The following TEAD1 variants were observed in gnomAD, a reference collection of about 807,000 sequenced individuals.
TEAD1 encodes TEA domain transcription factor 1, also known as transcriptional enhancer factor TEF-1.
Under a neutral mutation model 54.9 loss-of-function variants are expected in TEAD1, and 9 were observed. The observed-to-expected ratio is 0.16, with a 90% CI of 0.10 to 0.29. The LOEUF (loss-of-function observed/expected upper bound fraction) is 0.29. TEAD1 is among the 10% of genes least tolerant of loss of function. The pLI, the probability that TEAD1 is intolerant of heterozygous loss-of-function variation, is 1.00. For missense variants in TEAD1, 387 were observed against 535.9 expected (o/e 0.72, Z 2.74); for synonymous variants, 200 against 187.8 (o/e 1.07, Z -0.53).
chr11:12,724,034 G>T (rs1944264764), intron 2 of TEAD1, among the ~76,000 whole-genome samples: 1 of 152,180 alleles, frequency 6.6e-6, no homozygotes, highest in African/African-American at 2.4e-5. Context: ...TGGGGTAAAT[G>T]ATTGAAACAC....
chr11:12,828,452 G>C (rs1287498203), intron 3 of TEAD1: 3 of 152,182 alleles, frequency 2.0e-5, no homozygotes, highest in Non-Finnish European at 2.9e-5. Context: ...AGTTAGAAGG[G>C]TGTGTTGAGG....
rs913917787 is a variant in TEAD1 at position 12,817,012 on chromosome 11, GCA to G, written c.203-45234_203-45233del. ...CCCTCAAAGCCGAGGCGAGGTTTAT[GCA>G]CACTGCCCAATTGAAATGTGTCTCA... is the stretch of plus-strand genomic sequence containing the variant. On this transcript the variant is annotated intron_variant, in intron 3 of 12. Coordinates refer to ENST00000527636, the MANE Select transcript of TEAD1 (RefSeq NM_021961.6). 3.3e-4 allele frequency among the ~76,000 whole-genome samples: 51 copies of G among 152,286 alleles called. 1 individual carries two copies. Among genetic ancestry groups the G allele is most frequent in the Admixed American group, 3.0e-3 (46 of 15,300 alleles).
At chr11:12,706,347 C>T (rs77263363) in intron 2 of TEAD1, among the ~76,000 whole-genome samples, 237 of 152,270 alleles carry the variant, frequency 1.6e-3, no homozygotes, top group Non-Finnish European at 2.3e-3. Context: ...TAGTTTAATT[C>T]AATGGATTCC....
chr11:12,729,394 T>G (rs1437262181), intron 2 of TEAD1, among the ~76,000 whole-genome samples: 2 of 152,228 alleles, frequency 1.3e-5, no homozygotes, highest in Non-Finnish European at 2.9e-5. Context: ...TCTGCATTTC[T>G]AAGAAAGTCC....
chr11:12,837,738 C>T (rs10765998), intron 3 of TEAD1, among the ~76,000 whole-genome samples: 144,615 of 147,966 alleles, frequency 0.98, 70,767 homozygotes, highest in Middle Eastern at 1. Flanking sequence ...TTCTCCTCCT[C>T]CTTCTTCTTC....
At chr11:12,835,454 C>A (rs1043590369) in intron 3 of TEAD1, among the ~76,000 whole-genome samples, 5 of 151,410 alleles carry the variant, frequency 3.3e-5, no homozygotes, top group Non-Finnish European at 5.9e-5. Flanking sequence ...GAATTATAGG[C>A]TCGTGCCAGC....
chr11:12,794,742 G>T (rs1590158751), intron 3 of TEAD1, among the ~76,000 whole-genome samples: 1 of 152,198 alleles, frequency 6.6e-6, no homozygotes, highest in Admixed American at 6.5e-5. Flanking sequence ...CACCCGAGTG[G>T]GTGTGCATGC....
intron 2 of TEAD1, among the ~76,000 whole-genome samples, chr11:12,689,951 T>C (rs989918303): frequency 1.3e-5 from 2 of 152,032 alleles, no homozygotes; most frequent in East Asian, 3.9e-4. Context: ...TAATAACTCC[T>C]TAATGTTGGC....
chr11:12,747,171 TTAAAA>T (rs1361748067), intron 2 of TEAD1, among the ~76,000 whole-genome samples: 6 of 152,168 alleles, frequency 3.9e-5, no homozygotes, highest in South Asian at 4.1e-4. Context: ...ACATTTTAAG[TTAAAA>T]TAAAGCAAAT....
chr11:12,850,998 C>T, intron 3 of TEAD1: 1 of 886,136 alleles, frequency 1.1e-6, no homozygotes, highest in African/African-American at 1.8e-5. Flanking sequence ...AAAGGATTTA[C>T]AGATTTCAGG....
At chr11:12,878,846 T>C (rs1275120166) in intron 5 of TEAD1, 1 of 1,255,254 alleles carries the variant, frequency 8.0e-7, no homozygotes. Context: ...AAAAATCCCT[T>C]TTTATGCAAT....
At chr11:12,744,300 A>G (rs1003621716) in intron 2 of TEAD1, among the ~76,000 whole-genome samples, 3 of 152,222 alleles carry the variant, frequency 2.0e-5, no homozygotes, top group Admixed American at 6.5e-5. Flanking sequence ...TAGGCTAGGA[A>G]TCTGTCCTTG....
At chr11:12,784,159 A>G (rs77189459) in intron 3 of TEAD1, among the ~76,000 whole-genome samples, 1 of 152,152 alleles carries the variant, frequency 6.6e-6, no homozygotes, top group African/African-American at 2.4e-5. Context: ...GATTAGGTGT[A>G]TTAGAGATGA....
In TEAD1 at chr11:12,943,671, T is replaced by C. The variant is rs1949180895; in HGVS notation, c.*6449T>C. 1 of 152,204 alleles carries C rather than the reference T, an allele frequency of 6.6e-6. No individual in the cohort carries two copies. The highest frequency in any genetic ancestry group is 1.5e-5 in the Non-Finnish European group (1 of 68,040). 9.4% of individuals were successfully genotyped at this position (152,204 alleles called of 1,614,324 possible). ...GTGGACTCTTGTCTGCCTTCCATGATGAGATTTTTTTTCTCCTTCCCCTTT... is the reference window on the plus strand; with the variant it reads ...GTGGACTCTTGTCTGCCTTCCATGACGAGATTTTTTTTCTCCTTCCCCTTT... On this transcript the variant is annotated 3_prime_UTR_variant, in exon 13 of 13. Transcript: ENST00000527636.
rs1353601344 is a variant in TEAD1, at chr11:12,811,583, C to G, written c.202+47149C>G. Among the ~76,000 whole-genome samples, 2 of 152,162 alleles carry G rather than the reference C, an allele frequency of 1.3e-5. 1 individual carries two copies. On this transcript the variant is annotated intron_variant, in intron 3 of 12. Coordinates refer to ENST00000527636, the MANE Select transcript of TEAD1 (RefSeq NM_021961.6). ...ATTAGCATCTGGGAAGCCAGGGATC[C>G]TCATGCTAAGGCAGAACAAAAACAG...
chr11:12,892,274 T>G (rs570366409), intron 9 of TEAD1, among the ~76,000 whole-genome samples: 1 of 152,070 alleles, frequency 6.6e-6, no homozygotes, highest in Non-Finnish European at 1.5e-5. Flanking sequence ...AATATGACAT[T>G]AATGAGGCCT....
intron 2 of TEAD1, among the ~76,000 whole-genome samples, chr11:12,706,814 G>C (rs1388864460): frequency 6.6e-6 from 1 of 152,190 alleles, no homozygotes; most frequent in African/African-American, 2.4e-5. Context: ...GTCAGCTTGG[G>C]CAGTGGGGGT....
At position 12,870,438 on chromosome 11, in the gene TEAD1, T is replaced by C. The variant is rs183194703; in HGVS notation, c.330+5538T>C. ...GAGTAGAGACAAAGCGTCAGTAGAC[T>C]GAAGCTGAGATTCAAGAGCTCGGTA... On this transcript the variant is annotated intron_variant, in intron 5 of 12. Transcript: ENST00000527636. 2.1e-4 allele frequency among the ~76,000 whole-genome samples: 32 copies of C among 151,518 alleles called. No homozygotes were observed. In the East Asian group the frequency reaches 6.2e-3, roughly 29 times the overall value.
chr11:12,765,486 A>T (rs1186553933), intron 3 of TEAD1, among the ~76,000 whole-genome samples: 1 of 152,152 alleles, frequency 6.6e-6, no homozygotes, highest in Non-Finnish European at 1.5e-5. Flanking sequence ...TTTCTGAACA[A>T]TTGGAAGTCT....
Sources: allele counts gnomAD v4.1 joint callset (sites outside exome capture counted in the v4.1 genomes callset), GRCh38; gene constraint gnomAD v4.1.1; transcripts MANE v1.5; gene names NCBI Gene and HGNC (gene_info 2026-07-23, HGNC 2026-07-21).